The following EYS variants were observed in gnomAD, a reference collection of about 807,000 sequenced individuals.
EYS encodes EGF-like photoreceptor maintenance factor, also known as protein eyes shut homolog.
EYS carries 250 observed loss-of-function variants against 282.1 expected under a neutral mutation model. The observed-to-expected ratio is 0.89, with a 90% CI of 0.80 to 0.98. The LOEUF (loss-of-function observed/expected upper bound fraction) is 0.98, where lower values mean the gene tolerates loss of function less well. Among genes scored for constraint, EYS ranks in the 50% least tolerant of loss-of-function variants. The probability of loss-of-function intolerance (pLI) is 0.00; values close to 1 mark genes in which losing one functional copy is unlikely to be tolerated. For synonymous variants in EYS, 1,355 were observed against 1,282.9 expected (o/e 1.06, Z -1.20); for missense variants, 4,016 against 3,709.0 (o/e 1.08, Z -2.15).
intron 22 of EYS, among the ~76,000 whole-genome samples, chr6:64,757,794 T>C (rs1415481395): frequency 6.9e-6 from 1 of 144,194 alleles, no homozygotes; most frequent in Non-Finnish European, 1.6e-5. Context: ...GTGTTTTGTT[T>C]GTTTGTTTGA....
Position 64,677,022 on chromosome 6 carries a change from G to A in EYS, c.3444-50777C>T, listed in dbSNP as rs190306831. Among the ~76,000 whole-genome samples, 335 of 152,146 alleles carry A rather than the reference G, an allele frequency of 2.2e-3. 1 individual carries two copies. Among genetic ancestry groups the A allele is most frequent in the African/African-American group, 7.6e-3 (316 of 41,526 alleles). The stretch of plus-strand genomic sequence containing the variant: ...CTTTTTGAACTGTTTCAAAACAAGC[G>A]GAAGACACTTTAATAAAGCAGATGA... On this transcript the variant is annotated intron_variant, in intron 22 of 42. Coordinates refer to ENST00000503581, the MANE Select transcript of EYS (RefSeq NM_001142800.2).
chr6:64,556,092 T>C (rs1305653090), intron 26 of EYS, among the ~76,000 whole-genome samples: 3 of 152,022 alleles, frequency 2.0e-5, no homozygotes, highest in Non-Finnish European at 4.4e-5. Flanking sequence ...TCTTTTGTAT[T>C]CAAACATACA....
chr6:65,302,902 C>G, intron 11 of EYS: 1 of 1,613,878 alleles, frequency 6.2e-7, no homozygotes, highest in Non-Finnish European at 8.5e-7. Context: ...AATTGTCTGT[C>G]CAGTCCAATC....
At chr6:65,190,689 GTGTT>G (rs1347708214) in intron 12 of EYS, among the ~76,000 whole-genome samples, 5 of 151,768 alleles carry the variant, frequency 3.3e-5, no homozygotes, top group Non-Finnish European at 5.9e-5. Context: ...AAGCACTAGT[GTGTT>G]TGTTAGAGCT....
intron 26 of EYS, among the ~76,000 whole-genome samples, chr6:64,495,181 A>G (rs1383421512): frequency 3.3e-5 from 5 of 151,778 alleles, no homozygotes; most frequent in African/African-American, 1.2e-4. Flanking sequence ...AGTTGGCCAT[A>G]TGTGATACAT....
intron 12 of EYS, among the ~76,000 whole-genome samples, chr6:65,058,270 C>T (rs1405278916): frequency 6.6e-6 from 1 of 152,078 alleles, no homozygotes; most frequent in Non-Finnish European, 1.5e-5. Flanking sequence ...CCAGTCTCAG[C>T]CTCCTGAGTA....
At chr6:64,700,658 T>C (rs561779260) in intron 22 of EYS, among the ~76,000 whole-genome samples, 75 of 152,076 alleles carry the variant, frequency 4.9e-4, no homozygotes, top group Admixed American at 4.5e-3. Flanking sequence ...TAGGAATATA[T>C]TTAACCCTGG....
chr6:63,833,094 A>G (rs1582256599), intron 36 of EYS, among the ~76,000 whole-genome samples: 1 of 152,188 alleles, frequency 6.6e-6, no homozygotes. Context: ...TTTATGACAA[A>G]CCCACAGCCA....
At chr6:64,141,561 A>G (rs1335270560) in intron 31 of EYS, among the ~76,000 whole-genome samples, 1 of 152,184 alleles carries the variant, frequency 6.6e-6, no homozygotes, top group Non-Finnish European at 1.5e-5. Flanking sequence ...GAAGATCATT[A>G]ATAGGCATGA....
At chr6:65,593,130 A>C (rs1310775354) in intron 2 of EYS, among the ~76,000 whole-genome samples, 1 of 152,008 alleles carries the variant, frequency 6.6e-6, no homozygotes, top group African/African-American at 2.4e-5. Context: ...CTGATGCGTA[A>C]CCATTAAAGA....
intron 30 of EYS, among the ~76,000 whole-genome samples, chr6:64,265,265 G>C (rs928737573): frequency 1.3e-5 from 2 of 152,064 alleles, no homozygotes; most frequent in African/African-American, 4.8e-5. Flanking sequence ...TGTATTGATA[G>C]TTTGCTGTAA....
intron 31 of EYS, among the ~76,000 whole-genome samples, chr6:64,132,283 T>A (rs995406711): frequency 6.6e-6 from 1 of 152,026 alleles, no homozygotes; most frequent in Non-Finnish European, 1.5e-5. Flanking sequence ...AATAAATAAC[T>A]TATAATTGAA....
At position 64,837,415 on chromosome 6, in the gene EYS, G is replaced by A. The variant is rs529719522; in HGVS notation, c.2993-14593C>T. On this transcript the variant is annotated intron_variant, in intron 19 of 42. Transcript: ENST00000503581. ...ATTGAAATCTTTTCCCCTAAGAACT[G>A]AAACAAGATGAGAATGTCCACTTTC... is the stretch of plus-strand genomic sequence containing the variant. Among the ~76,000 whole-genome samples the A allele has an allele frequency of 4.0e-5, 6 of 151,200 alleles. No individual in the cohort carries two copies. The South Asian group carries it at 1.0e-3, about 26-fold the overall frequency.
At chr6:65,179,622 G>A (rs1358887640) in intron 12 of EYS, among the ~76,000 whole-genome samples, 1 of 152,112 alleles carries the variant, frequency 6.6e-6, no homozygotes, top group African/African-American at 2.4e-5. Flanking sequence ...AATTCTACCA[G>A]AGGTACAAGG....
chr6:65,043,784 T>C (rs1481339488), intron 13 of EYS, among the ~76,000 whole-genome samples: 1 of 151,604 alleles, frequency 6.6e-6, no homozygotes, highest in Non-Finnish European at 1.5e-5. Flanking sequence ...CATTCTTCCA[T>C]TGACAGACAC....
intron 10 of EYS, among the ~76,000 whole-genome samples, chr6:65,342,861 G>A (rs1770249620): frequency 6.6e-6 from 1 of 150,786 alleles, no homozygotes. Context: ...CTGAGAACTA[G>A]AAATACATAA....
intron 22 of EYS, among the ~76,000 whole-genome samples, chr6:64,711,802 C>T (rs188666139): frequency 1.3e-3 from 197 of 152,228 alleles, no homozygotes; most frequent in African/African-American, 4.5e-3. Context: ...GTCTCTTCCC[C>T]GAAGTCAGGC....
At chr6:64,714,549 G>A (rs1349702128) in intron 22 of EYS, among the ~76,000 whole-genome samples, 2 of 140,500 alleles carry the variant, frequency 1.4e-5, no homozygotes. Flanking sequence ...TTTTTGAGAC[G>A]GAGTCTGGCT....
At chr6:64,460,525 C>A (rs921465500) in intron 26 of EYS, among the ~76,000 whole-genome samples, 5 of 152,204 alleles carry the variant, frequency 3.3e-5, no homozygotes, top group African/African-American at 1.2e-4. Flanking sequence ...TTTAGAGAGT[C>A]ACATAGATTC....
Sources: allele counts gnomAD v4.1 joint callset (sites outside exome capture counted in the v4.1 genomes callset), GRCh38; gene constraint gnomAD v4.1.1; transcripts MANE v1.5; gene names NCBI Gene and HGNC (gene_info 2026-07-23, HGNC 2026-07-21).